PAK3: variants seen among roughly 807,000 people sequenced by gnomAD.
The protein encoded by PAK3 is p21 (RAC1) activated kinase 3, also known as serine/threonine-protein kinase PAK 3.
In PAK3, 4 loss-of-function variants were observed where a neutral mutation model predicts 41.0. That is an observed-to-expected ratio of 0.10 (90% CI 0.05 to 0.22). The LOEUF (loss-of-function observed/expected upper bound fraction) is 0.22. PAK3 is among the 10% of genes least tolerant of loss of function. The pLI, the probability that PAK3 is intolerant of heterozygous loss-of-function variation, is 1.00. For synonymous variants in PAK3, 146 were observed against 139.6 expected (o/e 1.05, Z -0.32); for missense variants, 205 against 409.9 (o/e 0.50, Z 4.32).
chrX:110,992,660 A>G (rs1401104572), intron 1 of PAK3, among the ~76,000 whole-genome samples: 3 of 91,099 alleles, frequency 3.3e-5, no homozygotes, highest in East Asian at 7.2e-4. Context: ...ACTCAGTGCA[A>G]TTCTGCCACC....
intron 16 of PAK3, among the ~76,000 whole-genome samples, chrX:111,209,799 C>G (rs374957929): frequency 8.9e-6 from 1 of 112,179 alleles, no homozygotes; most frequent in Non-Finnish European, 1.9e-5. Flanking sequence ...AGTGGTTAGT[C>G]CTGTTGCAAA....
intron 1 of PAK3, among the ~76,000 whole-genome samples, chrX:111,042,572 G>A (rs1395978692): frequency 8.9e-6 from 1 of 111,749 alleles, no homozygotes; most frequent in Non-Finnish European, 1.9e-5. Context: ...TTCTTGTGCC[G>A]TGTTCCAAGT....
intron 16 of PAK3, among the ~76,000 whole-genome samples, chrX:111,205,870 AAAGAAT>A (rs2094740918): frequency 8.9e-6 from 1 of 112,009 alleles, no homozygotes; most frequent in Non-Finnish European, 1.9e-5. Flanking sequence ...GAAAAGCCCA[AAAGAAT>A]AAGAGTGCTA....
chrX:111,196,540 G>C lies in PAK3; in HGVS notation c.1307G>C (p.Arg436Pro). ...TGGATGGCACCTGAGGTGGTGACTC[G>C]AAAAGCTTATGGTCCGAAAGTTGAT... ...PYWMAPEVVT[R>P]KAYGPKVDIW... is the part of the protein sequence containing the mutation. The change falls in exon 16 of 18, where the codon CGA (arginine) becomes CCA (proline). Residue 436 changes from arginine (R) to proline (P), a missense_variant. Transcript: ENST00000372007. 1 of 1,204,564 alleles carries C rather than the reference G, an allele frequency of 8.3e-7. No homozygotes were observed. The highest frequency in any genetic ancestry group is 1.1e-6 in the Non-Finnish European group (1 of 889,027).
chrX:111,050,210 T>G (rs867446906), intron 1 of PAK3, among the ~76,000 whole-genome samples: 1 of 111,208 alleles, frequency 9.0e-6, no homozygotes, highest in Non-Finnish European at 1.9e-5. Context: ...TTTTCCCAGG[T>G]AGGGGGTTCC....
intron 1 of PAK3, among the ~76,000 whole-genome samples, chrX:110,967,894 G>T (rs1281912408): frequency 9.0e-6 from 1 of 111,424 alleles, no homozygotes; most frequent in Non-Finnish European, 1.9e-5. Flanking sequence ...CTCATGTGTG[G>T]GTTTGTGTGT....
At position 111,176,205 on chromosome X, in the gene PAK3, T is replaced by C. The variant is rs373927340; in HGVS notation, c.830+3124T>C. 1.3e-4 allele frequency among the ~76,000 whole-genome samples: 14 copies of C among 111,271 alleles called. No homozygotes were observed. In the East Asian group the frequency reaches 3.7e-3, roughly 29 times the overall value. ...AACTCCGTCTCTGTGGGTCTGTTTT[T>C]GCCTCAATAAATATTTGTTGAGCTA... On this transcript the variant is annotated intron_variant, in intron 11 of 17. Transcript: ENST00000372007.
chrX:111,186,355 C>T (rs957925761), intron 11 of PAK3, among the ~76,000 whole-genome samples: 1 of 111,012 alleles, frequency 9.0e-6, no homozygotes, highest in Non-Finnish European at 1.9e-5. Context: ...TCAAATTGTC[C>T]CTGTTTGCAG....
At chrX:110,974,527 A>C (rs1222807943) in intron 1 of PAK3, among the ~76,000 whole-genome samples, 1 of 111,871 alleles carries the variant, frequency 8.9e-6, no homozygotes, top group African/African-American at 3.3e-5. Flanking sequence ...ATTCTACCAG[A>C]GGTTCAAAGA....
chrX:111,055,166 C>G (rs760210026), intron 1 of PAK3, among the ~76,000 whole-genome samples: 1 of 112,041 alleles, frequency 8.9e-6, no homozygotes, highest in Admixed American at 9.4e-5. Flanking sequence ...TCTGAATAGG[C>G]AGCACCTCAG....
chrX:110,997,924 C>T (rs1020564171), intron 1 of PAK3, among the ~76,000 whole-genome samples: 2 of 111,219 alleles, frequency 1.8e-5, no homozygotes, highest in East Asian at 2.8e-4. Context: ...TATGAGAAAG[C>T]GGGCCCTCAC....
intron 1 of PAK3, among the ~76,000 whole-genome samples, chrX:110,946,473 T>C (rs780276408): frequency 3.6e-5 from 4 of 112,447 alleles, no homozygotes; most frequent in African/African-American, 1.3e-4. Flanking sequence ...CTGATATATG[T>C]AAATGTGAGA....
At chrX:111,212,352 A>G (rs1052788978) in intron 16 of PAK3, among the ~76,000 whole-genome samples, 2 of 111,809 alleles carry the variant, frequency 1.8e-5, no homozygotes, top group African/African-American at 6.5e-5. Context: ...ATTGGCTACA[A>G]CTGTATTTGT....
Position 110,996,629 on chromosome X carries a change from GCTCT to G in PAK3, c.-28+52016_-28+52019del, listed in dbSNP as rs931123976. ...GATAAGAAGAGACACCAAAGAGCCTGCTCTCTCTCTCTCTCTCTATCTCTCTCTT... is the reference window on the plus strand; with the variant it reads ...GATAAGAAGAGACACCAAAGAGCCTGCTCTCTCTCTCTCTATCTCTCTCTT... On this transcript the variant is annotated intron_variant, in intron 1 of 14. Transcript: ENST00000425146. Among the ~76,000 whole-genome samples the G allele has an allele frequency of 5.3e-4, 57 of 107,801 alleles. 1 individual carries two copies. The highest frequency in any genetic ancestry group is 1.7e-3 in the African/African-American group (51 of 29,782). 93.6% of individuals were successfully genotyped at this position (107,801 alleles called of 115,157 possible). A position where few individuals can be genotyped will look rare whatever the true frequency, so the allele number is the denominator to read the frequency against.
At chrX:111,192,415 G>A in intron 12 of PAK3, 91 bp from the exon 13 acceptor site, 1 of 576,924 alleles carries the variant, frequency 1.7e-6, no homozygotes, top group Non-Finnish European at 3.0e-6. Context: ...AATAAAGAAT[G>A]TGTATGTTTC....
intron 1 of PAK3, among the ~76,000 whole-genome samples, chrX:110,965,677 C>T (rs2091067044): frequency 8.9e-6 from 1 of 112,238 alleles, no homozygotes; most frequent in Non-Finnish European, 1.9e-5. Flanking sequence ...TGTCACTTCT[C>T]ATAGAAGAAT....
At chrX:111,192,028 C>T in intron 11 of PAK3, 99 bp from the exon 12 acceptor site, 1 of 531,681 alleles carries the variant, frequency 1.9e-6, no homozygotes, top group Non-Finnish European at 3.3e-6. Context: ...TTTGAGTTTG[C>T]TAATTTTCCT....
chrX:111,196,350 G>A (rs2094612943), intron 15 of PAK3, 94 bp from the exon 16 acceptor site: 1 of 683,292 alleles, frequency 1.5e-6, no homozygotes, highest in Non-Finnish European at 2.4e-6. Context: ...GAAACTCAGT[G>A]TGTAGCAAAG....
In PAK3 at chrX:111,220,491, T is replaced by C; in HGVS notation, c.*44T>C. ...TCACCATCTCCCTCATGAGTAAGAC[T>C]GAAATAAAACTCTGCTGCAGGAAAG... On this transcript the variant is annotated 3_prime_UTR_variant, in exon 18 of 18. Transcript: ENST00000372007. 1 of 864,264 alleles carries C rather than the reference T, an allele frequency of 1.2e-6. No individual in the cohort carries two copies. The highest frequency in any genetic ancestry group is 1.7e-6 in the Non-Finnish European group (1 of 583,246). 71.2% of individuals were successfully genotyped at this position (864,264 alleles called of 1,213,427 possible).
Sources: allele counts gnomAD v4.1 joint callset (sites outside exome capture counted in the v4.1 genomes callset), GRCh38; gene constraint gnomAD v4.1.1; transcripts MANE v1.5; gene names NCBI Gene and HGNC (gene_info 2026-07-23, HGNC 2026-07-21).